The following KLHL14 variants were observed in gnomAD, a reference collection of about 807,000 sequenced individuals.
KLHL14 encodes the protein kelch like family member 14, also known as kelch-like protein 14.
KLHL14 carries 22 observed loss-of-function variants against 64.3 expected under a neutral mutation model. The observed-to-expected ratio is 0.34, with a 90% CI of 0.24 to 0.49. KLHL14 has a LOEUF of 0.49. Ranked by LOEUF, KLHL14 falls within the 20% of genes least tolerant of loss-of-function variation. KLHL14 has a pLI of 0.99. For missense variants in KLHL14, 661 were observed against 789.0 expected (o/e 0.84, Z 1.94); for synonymous variants, 322 against 333.4 (o/e 0.97, Z 0.37).
chr18:32,738,335 T>C (rs1053514301), intron 3 of KLHL14: 3 of 152,184 alleles, frequency 2.0e-5, no homozygotes, highest in Non-Finnish European at 4.4e-5. Context: ...TTGGCCATTT[T>C]AGTATTCATG....
intron 4 of KLHL14, among the ~76,000 whole-genome samples, chr18:32,690,731 C>T (rs1009950246): frequency 2.6e-5 from 4 of 151,838 alleles, no homozygotes; most frequent in African/African-American, 9.7e-5. Flanking sequence ...TCCACAAAAA[C>T]AAAACAAAAC....
intron 2 of KLHL14, among the ~76,000 whole-genome samples, chr18:32,754,095 C>T (rs1337658174): frequency 6.6e-6 from 1 of 152,232 alleles, no homozygotes; most frequent in Non-Finnish European, 1.5e-5. Flanking sequence ...GGAGAAAGCT[C>T]TTCTCTTTGT....
At chr18:32,747,137 G>A (rs2050227607) in intron 2 of KLHL14, among the ~76,000 whole-genome samples, 1 of 152,148 alleles carries the variant, frequency 6.6e-6, no homozygotes, top group South Asian at 2.1e-4. Context: ...AGTTGTGTTA[G>A]ATATATTTTT....
At chr18:32,677,136 C>T (rs200282414) in intron 8 of KLHL14, 37 bp downstream of exon 8, 86 of 1,588,756 alleles carry the variant, frequency 5.4e-5, no homozygotes, top group South Asian at 2.3e-5. Flanking sequence ...TAAGCACAAA[C>T]GAAATAAAGG....
At chr18:32,749,228 TTG>T (rs1235547940) in intron 2 of KLHL14, among the ~76,000 whole-genome samples, 5 of 152,190 alleles carry the variant, frequency 3.3e-5, no homozygotes, top group African/African-American at 1.2e-4. Flanking sequence ...GGAGATTTGA[TTG>T]AAAACAACGA....
rs772571867 is a variant in KLHL14, at chr18:32,769,891, G to T, written c.701C>A (p.Ser234Ter). 1 of 1,613,964 alleles carries T rather than the reference G, an allele frequency of 6.2e-7. No homozygotes were observed. Among genetic ancestry groups the T allele is most frequent in the Non-Finnish European group, 8.5e-7 (1 of 1,180,048 alleles). Residue 234 changes from serine (S) to a stop codon, truncating the protein, a stop_gained, in exon 2 of 9, where the codon TCG (serine) becomes TAG (stop). Transcript: ENST00000359358. LOFTEE classifies it high-confidence loss of function. ...GGACATCTGGAAGAGCGCCAGCTCCGACTCCACGGGGGGCGGCAGCGAGTC... is the reference window on the plus strand; with the variant it reads ...GGACATCTGGAAGAGCGCCAGCTCCTACTCCACGGGGGGCGGCAGCGAGTC... ...LLDSLPPPVE[S>*]ELALFQMSVL...
intron 3 of KLHL14, among the ~76,000 whole-genome samples, chr18:32,700,569 G>A (rs2049960977): frequency 6.6e-6 from 1 of 152,100 alleles, no homozygotes; most frequent in African/African-American, 2.4e-5. Flanking sequence ...ACTGTTTAGT[G>A]TCTTGCTTTT....
At chr18:32,772,309 G>A in intron 1 of KLHL14, 7 of 317,536 alleles carry the variant, frequency 2.2e-5, no homozygotes, top group Non-Finnish European at 3.4e-5. Flanking sequence ...CCTCCCTCGC[G>A]CTCCCTCCGC....
Position 32,769,657 on chromosome 18 carries a change from C to T in KLHL14, c.935G>A (p.Ser312Asn). The T allele has an allele frequency of 6.7e-7, 1 of 1,503,130 alleles. No homozygotes were observed. The highest frequency in any genetic ancestry group is 1.4e-5 in the African/African-American group (1 of 70,782). 93.1% of individuals were successfully genotyped at this position (1,503,130 alleles called of 1,614,324 possible). A position where few individuals can be genotyped will look rare whatever the true frequency, so the allele number is the denominator to read the frequency against. The change falls in exon 2 of 9, where the codon AGC (serine) becomes AAC (asparagine). Residue 312 changes from serine (S) to asparagine (N), a missense_variant. Physicochemically the swap from Ser to Asn is conservative, Grantham distance 46. Coordinates refer to ENST00000359358, the MANE Select transcript of KLHL14 (RefSeq NM_020805.3). ...LMPFRQHCRQ[S>N]LASRIRSNKK... The stretch of plus-strand genomic sequence containing the variant: ...TGTTGTCTCCTACCTGCTGGCCAGG[C>T]TCTGCCTGCAGTGCTGCCTGAAGGG...
At chr18:32,684,495 C>T (rs1201358819) in intron 5 of KLHL14, among the ~76,000 whole-genome samples, 1 of 152,140 alleles carries the variant, frequency 6.6e-6, no homozygotes, top group Non-Finnish European at 1.5e-5. Flanking sequence ...GCTGGTTGAC[C>T]CAGGCAACAG....
chr18:32,753,083 G>A (rs569844704), intron 2 of KLHL14, among the ~76,000 whole-genome samples: 1 of 151,846 alleles, frequency 6.6e-6, no homozygotes, highest in Admixed American at 6.6e-5. Flanking sequence ...ACTAAATCAT[G>A]GGCTTCATGG....
In KLHL14 at chr18:32,674,794, C is replaced by T; in HGVS notation, c.1750G>A (p.Ala584Thr). Residue 584 changes from alanine to threonine, a missense_variant, in exon 9 of 9, where the codon GCC becomes ACC. By Grantham distance (58) the Ala-to-Thr change is moderately conservative. Around this residue, in one of 2 missense-constraint regions of KLHL14, gnomAD observed 330 missense variants for 450.0 expected, o/e 0.73. Coordinates refer to ENST00000359358, the MANE Select transcript of KLHL14 (RefSeq NM_020805.3). Reference sequence around the variant, plus strand: ...TAGCATATTGTAGATGACTTGTAGGCCCCCTGTAATGACAGAGGAGGGAGC... The same window carrying T: ...TAGCATATTGTAGATGACTTGTAGGTCCCCTGTAATGACAGAGGAGGGAGC... ...LVGGYSWSMG[A>T]YKSSTICYCP... 2 of 780,402 alleles carry T rather than the reference C, an allele frequency of 2.6e-6. No individual in the cohort carries two copies. Among genetic ancestry groups the T allele is most frequent in the South Asian group, 1.3e-5 (1 of 74,562 alleles). 48.3% of individuals were successfully genotyped at this position (780,402 alleles called of 1,614,324 possible). A position where few individuals can be genotyped will look rare whatever the true frequency, so the allele number is the denominator to read the frequency against.
At chr18:32,676,065 C>T (rs979423776) in intron 8 of KLHL14, among the ~76,000 whole-genome samples, 2 of 152,054 alleles carry the variant, frequency 1.3e-5, no homozygotes. Flanking sequence ...CAATGTGTCT[C>T]CTGATGTACT....
At chr18:32,726,732 T>C (rs1468509011) in intron 3 of KLHL14, among the ~76,000 whole-genome samples, 3 of 152,242 alleles carry the variant, frequency 2.0e-5, no homozygotes, top group Non-Finnish European at 4.4e-5. Context: ...TTTATATTAA[T>C]GCTTCTGCAT....
intron 3 of KLHL14, among the ~76,000 whole-genome samples, chr18:32,714,787 T>C (rs960167090): frequency 3.3e-5 from 5 of 151,944 alleles, no homozygotes; most frequent in African/African-American, 4.8e-5. Context: ...CATCAAGAAC[T>C]ATGCTCAGGT....
chr18:32,730,549 A>C (rs1365834482), intron 3 of KLHL14, among the ~76,000 whole-genome samples: 2 of 152,236 alleles, frequency 1.3e-5, no homozygotes, highest in Admixed American at 6.5e-5. Flanking sequence ...GTTTATACCC[A>C]TCATCCTTAC....
rs142170670 is a variant in KLHL14 at position 32,739,052 on chromosome 18, C to T, written c.1069+2876G>A. Among the ~76,000 whole-genome samples, 516 of 152,150 alleles carry T rather than the reference C, an allele frequency of 3.4e-3. 5 individuals are homozygous for T. The highest frequency in any genetic ancestry group is 0.012 in the African/African-American group (504 of 41,532). ...GAAATGTTTGCTCAACATAAGTGGG[C>T]AAAGTATGCTGAGATTCAGAAACTC... is the stretch of plus-strand genomic sequence containing the variant. On this transcript the variant is annotated intron_variant, in intron 3 of 8. Transcript: ENST00000359358.
intron 4 of KLHL14, among the ~76,000 whole-genome samples, chr18:32,688,196 C>T (rs969210041): frequency 3.9e-5 from 6 of 152,128 alleles, no homozygotes; most frequent in African/African-American, 1.4e-4. Flanking sequence ...TAAAAGTCTA[C>T]CTTTATTTAT....
intron 2 of KLHL14, among the ~76,000 whole-genome samples, chr18:32,756,403 T>TCA (rs3042637): frequency 0.19 from 28,291 of 150,540 alleles, 3,007 homozygotes; most frequent in African/African-American, 0.28. Context: ...AGAGTTTCCT[T>TCA]CACACACACA....
Sources: gnomAD v4.1 joint callset for allele counts (sites outside exome capture counted in the v4.1 genomes callset) on GRCh38, gnomAD v4.1.1 for gene constraint, gnomAD v4.1.1 regional missense constraint, MANE v1.5 for transcripts, NCBI Gene and HGNC (gene_info 2026-07-23, HGNC 2026-07-21) for gene names.